Variants in MYBL2 observed in about 807,000 individuals in gnomAD.
MYBL2 encodes the protein myb-related protein B.
MYBL2 carries 28 observed loss-of-function variants against 79.9 expected under a neutral mutation model. The observed-to-expected ratio is 0.35, with a 90% CI of 0.26 to 0.48. MYBL2 has a LOEUF of 0.48. Among genes scored for constraint, MYBL2 ranks in the 20% least tolerant of loss-of-function variants. The probability of loss-of-function intolerance (pLI) is 0.99; values close to 1 mark genes in which losing one functional copy is unlikely to be tolerated. For synonymous variants in MYBL2, 378 were observed against 361.2 expected (o/e 1.05, Z -0.53); for missense variants, 735 against 893.9 (o/e 0.82, Z 2.27).
At chr20:43,715,095 T>C (rs1220304480) in intron 12 of MYBL2, 39 bp from the exon 13 acceptor site, 2 of 1,608,288 alleles carry the variant, frequency 1.2e-6, no homozygotes, top group East Asian at 4.5e-5. Flanking sequence ...TCACAGCTTC[T>C]CGCAAAATGG....
chr20:43,686,722 A>G, intron 4 of MYBL2, 130 bp from the exon 5 acceptor site: 1 of 853,170 alleles, frequency 1.2e-6, no homozygotes, highest in East Asian at 2.7e-5. Context: ...CAGCTCGCTC[A>G]GTGTTGCCTG....
intron 8 of MYBL2, among the ~76,000 whole-genome samples, chr20:43,703,984 C>T (rs182793948): frequency 4.6e-5 from 7 of 151,992 alleles, no homozygotes; most frequent in African/African-American, 1.2e-4. Context: ...TAAGGACACC[C>T]GTTATTGGAT....
intron 1 of MYBL2, among the ~76,000 whole-genome samples, chr20:43,669,913 C>G (rs920309867): frequency 2.6e-5 from 4 of 152,132 alleles, no homozygotes; most frequent in Non-Finnish European, 5.9e-5. Flanking sequence ...ACCAGCTTGA[C>G]CAATATGGTG....
At chr20:43,704,396 G>A (rs995430839) in intron 8 of MYBL2, among the ~76,000 whole-genome samples, 2 of 152,226 alleles carry the variant, frequency 1.3e-5, no homozygotes, top group African/African-American at 4.8e-5. Context: ...ACTTCAGGAT[G>A]TAAATTTGGG....
At chr20:43,709,021 A>G (rs1294867328) in intron 9 of MYBL2, among the ~76,000 whole-genome samples, 1 of 152,198 alleles carries the variant, frequency 6.6e-6, no homozygotes, top group Non-Finnish European at 1.5e-5. Flanking sequence ...GAAGAAAAGA[A>G]TGGTCTGCAT....
Position 43,713,310 on chromosome 20 carries a change from G to A in MYBL2, c.1824+204G>A, listed in dbSNP as rs192753564. ...AGAAGGTTTTGTTTGGCAGAGTTGC[G>A]CGGCTAGGACATGTTTTAAAAACAT... On this transcript the variant is annotated intron_variant, in intron 12 of 13. Transcript: ENST00000217026. 1.4e-3 allele frequency among the ~76,000 whole-genome samples: 207 copies of A among 152,182 alleles called. 1 individual carries two copies. Among genetic ancestry groups the A allele is most frequent in the African/African-American group, 4.7e-3 (197 of 41,518 alleles).
intron 1 of MYBL2, among the ~76,000 whole-genome samples, chr20:43,672,793 T>G (rs1395196152): frequency 6.6e-6 from 1 of 152,100 alleles, no homozygotes; most frequent in African/African-American, 2.4e-5. Context: ...TATTCAGAAT[T>G]TTTTTTCCAA....
chr20:43,671,414 C>T (rs1461905114), intron 1 of MYBL2, among the ~76,000 whole-genome samples: 2 of 151,408 alleles, frequency 1.3e-5, no homozygotes, highest in African/African-American at 2.4e-5. Context: ...CCTCGGCCTC[C>T]CAAAGTGCTG....
At chr20:43,715,872 ACT>A (rs751210728) in intron 13 of MYBL2, 85 bp from the exon 14 acceptor site, 584 of 1,492,378 alleles carry the variant, frequency 3.9e-4, no homozygotes, top group Non-Finnish European at 4.8e-4. Context: ...GAGGCTTATA[ACT>A]CTACCCTTCC....
rs753650851 is a variant in MYBL2 at position 43,716,071 on chromosome 20, C to G, written c.2087C>G (p.Thr696Ser). ...GRLKPSHTSR[T>S]LILS ...CTGAAGCCCAGCCACACATCTCGGACCCTCATCTTGTCCTGAGGTGTTGAG... is the reference window on the plus strand; with the variant it reads ...CTGAAGCCCAGCCACACATCTCGGAGCCTCATCTTGTCCTGAGGTGTTGAG... The change falls in exon 14 of 14, where the codon ACC (threonine) becomes AGC (serine). Residue 696 changes from threonine (T) to serine (S), a missense_variant. This residue lies in a region of MYBL2 where 204 missense variants were observed against 202.9 expected (regional missense o/e 1.01). Coordinates refer to ENST00000217026, the MANE Select transcript of MYBL2 (RefSeq NM_002466.4). 6.2e-7 allele frequency: 1 copy of G among 1,608,334 alleles called. No individual in the cohort carries two copies. The highest frequency in any genetic ancestry group is 1.1e-5 in the South Asian group (1 of 90,978).
rs566241259 is a variant in MYBL2 at position 43,678,405 on chromosome 20, A to G, written c.115-3379A>G. ...CTTGAATGTTGGGCTTAGAAGCTGTAGGATTGTTCAGCTCTCAATGCAGAG... is the reference window on the plus strand; with the variant it reads ...CTTGAATGTTGGGCTTAGAAGCTGTGGGATTGTTCAGCTCTCAATGCAGAG... On this transcript the variant is annotated intron_variant, in intron 2 of 13. Coordinates refer to ENST00000217026, the MANE Select transcript of MYBL2 (RefSeq NM_002466.4). Among the ~76,000 whole-genome samples, 11 of 151,996 alleles carry G rather than the reference A, an allele frequency of 7.2e-5. No homozygotes were observed. In the South Asian group the frequency reaches 2.3e-3, roughly 31 times the overall value.
intron 12 of MYBL2, among the ~76,000 whole-genome samples, chr20:43,714,007 A>G (rs924061211): frequency 6.6e-6 from 1 of 152,112 alleles, no homozygotes; most frequent in African/African-American, 2.4e-5. Flanking sequence ...CTTGCAGAGA[A>G]ACCTTGTCCT....
At chr20:43,702,423 G>T (rs1034412762) in intron 7 of MYBL2, 67 bp from the exon 8 acceptor site, 2 of 1,473,754 alleles carry the variant, frequency 1.4e-6, no homozygotes, top group Non-Finnish European at 1.8e-6. Flanking sequence ...AATATTTCCC[G>T]TAATGAATGA....
At chr20:43,667,631 G>T (rs1372983577) in intron 1 of MYBL2, among the ~76,000 whole-genome samples, 1 of 152,164 alleles carries the variant, frequency 6.6e-6, no homozygotes, top group Admixed American at 6.5e-5. Context: ...GGGCCGGCCG[G>T]TGTCAGCTGG....
intron 2 of MYBL2, among the ~76,000 whole-genome samples, chr20:43,675,761 TTGTGTGTGTG>T (rs34999422): frequency 6.8e-6 from 1 of 148,108 alleles, no homozygotes; most frequent in African/African-American, 2.5e-5. Context: ...TTTGGGGGCT[TTGTGTGTGTG>T]TGTGTGTGTG....
At chr20:43,699,544 A>G (rs1267238462) in intron 6 of MYBL2, among the ~76,000 whole-genome samples, 1 of 152,180 alleles carries the variant, frequency 6.6e-6, no homozygotes, top group Non-Finnish European at 1.5e-5. Flanking sequence ...CAGACATTGC[A>G]TTTAGTTGTC....
At chr20:43,711,742 G>A (rs901973530) in intron 11 of MYBL2, 141 bp downstream of exon 11, 21 of 697,110 alleles carry the variant, frequency 3.0e-5, no homozygotes, top group Admixed American at 1.9e-4. Context: ...CCTTTCGCAC[G>A]GTGGTTGTTG....
chr20:43,681,775 T>G lies in MYBL2; in HGVS notation c.115-9T>G. 1 of 1,614,118 alleles carries G rather than the reference T, an allele frequency of 6.2e-7. No individual in the cohort carries two copies. The highest frequency in any genetic ancestry group is 1.7e-5 in the Admixed American group (1 of 60,018). The stretch of plus-strand genomic sequence containing the variant: ...GTGTGCTGAGCCCCTGTCTTTCTGG[T>G]GTTGGCAGGACGAGCAGCTGAGGGC... On this transcript the variant is annotated splice_polypyrimidine_tract_variant and intron_variant, in intron 2 of 13. Coordinates refer to ENST00000217026, the MANE Select transcript of MYBL2 (RefSeq NM_002466.4).
At chr20:43,682,028 G>T (rs1388202367) in intron 3 of MYBL2, among the ~76,000 whole-genome samples, 173 bp downstream of exon 3, 1 of 152,218 alleles carries the variant, frequency 6.6e-6, no homozygotes, top group Non-Finnish European at 1.5e-5. Context: ...TCCCAAGCTG[G>T]CATTCAGGGT....
Sources: allele counts gnomAD v4.1 joint callset (sites outside exome capture counted in the v4.1 genomes callset), GRCh38; gene constraint gnomAD v4.1.1; regional missense constraint gnomAD v4.1.1; transcripts MANE v1.5; gene names NCBI Gene and HGNC (gene_info 2026-07-23, HGNC 2026-07-21).